The following SDC2 variants were observed in gnomAD, a reference collection of about 807,000 sequenced individuals.
The protein encoded by SDC2 is syndecan-2.
In SDC2, 13 loss-of-function variants were observed where a neutral mutation model predicts 22.2. The observed-to-expected ratio is 0.59, with a 90% CI of 0.38 to 0.93. SDC2 has a LOEUF of 0.93. SDC2 is among the 40% of genes least tolerant of loss of function. SDC2 has a pLI of 0.00. For missense variants in SDC2, 235 were observed against 246.8 expected (o/e 0.95, Z 0.32); for synonymous variants, 94 against 92.8 (o/e 1.01, Z -0.07).
intron 2 of SDC2, among the ~76,000 whole-genome samples, chr8:96,598,804 G>A (rs1321076038): frequency 1.3e-5 from 2 of 152,028 alleles, no homozygotes; most frequent in African/African-American, 4.8e-5. Context: ...TTCAGACAGG[G>A]AGAACAGTAG....
At position 96,608,518 on chromosome 8, in the gene SDC2, C is replaced by CT. The variant is rs1287010333; in HGVS notation, c.442+49dup. ...GGTGGGAGGGTGCCTACATAGGCCT[C>CT]TGTTAGTCTAAGTGATATTCAAAAG... On this transcript the variant is annotated intron_variant, in intron 4 of 4. Transcript: ENST00000302190. The CT allele has an allele frequency of 3.3e-6, 5 of 1,533,302 alleles. No individual in the cohort carries two copies. In the African/African-American group the frequency reaches 5.5e-5, roughly 17 times the overall value. The allele number at this position is 1,533,302 out of a possible 1,614,324, so 95.0% of individuals were successfully genotyped here. A position where few individuals can be genotyped will look rare whatever the true frequency, so the allele number is the denominator to read the frequency against.
At chr8:96,573,618 G>A (rs1328613808) in intron 1 of SDC2, among the ~76,000 whole-genome samples, 1 of 151,982 alleles carries the variant, frequency 6.6e-6, no homozygotes, top group East Asian at 1.9e-4. Context: ...GGCAAGACCT[G>A]TAGATTTTAC....
intron 1 of SDC2, among the ~76,000 whole-genome samples, chr8:96,535,034 C>T (rs941503284): frequency 1.3e-5 from 2 of 150,832 alleles, no homozygotes; most frequent in African/African-American, 4.9e-5. Context: ...GTCAGAGTCT[C>T]CCTCTCTAGC....
intron 1 of SDC2, among the ~76,000 whole-genome samples, chr8:96,509,006 C>G (rs554052895): frequency 7.0e-6 from 1 of 142,230 alleles, no homozygotes; most frequent in Admixed American, 7.0e-5. Context: ...CACTGATATT[C>G]TGATTTCTTT....
Position 96,525,426 on chromosome 8 carries a change from C to T in SDC2, c.60+31095C>T, listed in dbSNP as rs77086589. The stretch of plus-strand genomic sequence containing the variant: ...CATGCTGAGGTCACTGGACAAGTTC[C>T]TTATCAGAGCCCCCTTCCCATTAGA... On this transcript the variant is annotated intron_variant, in intron 1 of 4. Coordinates refer to ENST00000302190, the MANE Select transcript of SDC2 (RefSeq NM_002998.4). Among the ~76,000 whole-genome samples, 562 of 152,292 alleles carry T rather than the reference C, an allele frequency of 3.7e-3. 2 individuals carry two copies. Among genetic ancestry groups the T allele is most frequent in the Non-Finnish European group, 6.7e-3 (456 of 68,038 alleles).
intron 1 of SDC2, among the ~76,000 whole-genome samples, chr8:96,592,337 G>C (rs1814795309): frequency 6.6e-6 from 1 of 152,152 alleles, no homozygotes; most frequent in Non-Finnish European, 1.5e-5. Context: ...TGCTGGAAGA[G>C]AAAATTTTAT....
chr8:96,562,450 A>G (rs1019638444), intron 1 of SDC2, among the ~76,000 whole-genome samples: 1 of 152,154 alleles, frequency 6.6e-6, no homozygotes, highest in Non-Finnish European at 1.5e-5. Flanking sequence ...TTAGGATGCC[A>G]GGGAGTTGGC....
At position 96,563,573 on chromosome 8, in the gene SDC2, C is replaced by G. The variant is rs183636185; in HGVS notation, c.61-29907C>G. Among the ~76,000 whole-genome samples the G allele has an allele frequency of 4.4e-3, 669 of 152,276 alleles. 1 individual carries two copies. The highest frequency in any genetic ancestry group is 7.6e-3 in the Non-Finnish European group (515 of 68,010). On this transcript the variant is annotated intron_variant, in intron 1 of 4. Coordinates refer to ENST00000302190, the MANE Select transcript of SDC2 (RefSeq NM_002998.4). The stretch of plus-strand genomic sequence containing the variant: ...CTTGTTATAGCAGGGAACACGGGGC[C>G]CAACTCCCAGAGTTTCTGATTCATT...
intron 2 of SDC2, among the ~76,000 whole-genome samples, chr8:96,596,284 C>G (rs1243441982): frequency 1.3e-5 from 2 of 152,150 alleles, no homozygotes; most frequent in Non-Finnish European, 2.9e-5. Context: ...CTAGAATTAC[C>G]CAGTTCCAGC....
At chr8:96,560,081 A>G (rs1049076257) in intron 1 of SDC2, among the ~76,000 whole-genome samples, 1 of 152,206 alleles carries the variant, frequency 6.6e-6, no homozygotes, top group African/African-American at 2.4e-5. Flanking sequence ...AATCAATTTT[A>G]GAACTTTTTC....
At chr8:96,507,750 A>G (rs1043318954) in intron 1 of SDC2, among the ~76,000 whole-genome samples, 2 of 152,250 alleles carry the variant, frequency 1.3e-5, no homozygotes, top group African/African-American at 2.4e-5. Flanking sequence ...TTATGCTAAA[A>G]ATATGTCAGT....
chr8:96,591,684 G>A (rs992294222), intron 1 of SDC2, among the ~76,000 whole-genome samples: 6 of 152,146 alleles, frequency 3.9e-5, no homozygotes, highest in Non-Finnish European at 8.8e-5. Flanking sequence ...AGAAGTCACA[G>A]CCTGTTTCAT....
intron 1 of SDC2, among the ~76,000 whole-genome samples, chr8:96,545,935 C>G (rs928846893): frequency 8.5e-5 from 13 of 152,334 alleles, no homozygotes; most frequent in African/African-American, 3.1e-4. Context: ...GCTGGGAAAT[C>G]AGGTGCAGGG....
chr8:96,576,666 G>A (rs1254025145), intron 1 of SDC2, among the ~76,000 whole-genome samples: 9 of 150,068 alleles, frequency 6.0e-5, no homozygotes, highest in Middle Eastern at 3.4e-3. Context: ...TGATCCGCCC[G>A]CCTCGGCCTC....
chr8:96,594,301 G>A (rs995927556), intron 2 of SDC2, among the ~76,000 whole-genome samples: 9 of 152,098 alleles, frequency 5.9e-5, no homozygotes, highest in Non-Finnish European at 8.8e-5. Flanking sequence ...GTCAGCTGCC[G>A]GTTGAGTGTA....
At chr8:96,582,438 C>T (rs1340952060) in intron 1 of SDC2, among the ~76,000 whole-genome samples, 1 of 152,134 alleles carries the variant, frequency 6.6e-6, no homozygotes, top group Non-Finnish European at 1.5e-5. Flanking sequence ...TTGGTGGTCT[C>T]GTCAGCTTTA....
intron 1 of SDC2, among the ~76,000 whole-genome samples, chr8:96,513,668 A>C (rs1813360707): frequency 6.6e-6 from 1 of 152,212 alleles, no homozygotes; most frequent in African/African-American, 2.4e-5. Context: ...TAAGCATGAG[A>C]AAGATGTAAC....
chr8:96,582,020 C>T (rs865936191), intron 1 of SDC2, among the ~76,000 whole-genome samples: 3 of 152,144 alleles, frequency 2.0e-5, no homozygotes, highest in South Asian at 2.1e-4. Flanking sequence ...TCAGTTTGAC[C>T]GGGAGCTAAT....
chr8:96,569,974 C>T (rs1050961706), intron 1 of SDC2, among the ~76,000 whole-genome samples: 1 of 152,156 alleles, frequency 6.6e-6, no homozygotes, highest in African/African-American at 2.4e-5. Flanking sequence ...TGAAGCAGTC[C>T]AGAGTCACCT....
Sources: allele counts gnomAD v4.1 joint callset (sites outside exome capture counted in the v4.1 genomes callset), GRCh38; gene constraint gnomAD v4.1.1; transcripts MANE v1.5; gene names NCBI Gene and HGNC (gene_info 2026-07-23, HGNC 2026-07-21).